The following CYTH1 variants were observed in gnomAD, a reference collection of about 807,000 sequenced individuals.
CYTH1 encodes cytohesin 1, also known as cytohesin-1.
CYTH1 carries 18 observed loss-of-function variants against 61.8 expected under a neutral mutation model. The ratio of observed to expected loss-of-function variants is 0.29; its 90% confidence interval spans 0.20 to 0.43. The LOEUF (loss-of-function observed/expected upper bound fraction) is 0.43. CYTH1 is among the 20% of genes least tolerant of loss of function. The probability of loss-of-function intolerance (pLI) is 1.00; values close to 1 mark genes in which losing one functional copy is unlikely to be tolerated. For synonymous variants in CYTH1, 174 were observed against 184.3 expected, an observed-to-expected ratio of 0.94 and a Z score of 0.45; for missense variants, 336 against 510.5, an observed-to-expected ratio of 0.66 and a Z score of 3.29.
intron 1 of CYTH1, among the ~76,000 whole-genome samples, chr17:78,743,001 G>A (rs2093347089): frequency 1.3e-5 from 2 of 152,228 alleles, no homozygotes; most frequent in African/African-American, 4.8e-5. Flanking sequence ...GTGTGGTGGT[G>A]TCAGAGCTTC....
In CYTH1 at chr17:78,756,137, G is replaced by A. The variant is rs961099180; in HGVS notation, c.22+26065C>T. Among the ~76,000 whole-genome samples, 12 of 148,848 alleles carry A rather than the reference G, an allele frequency of 8.1e-5. No homozygotes were observed. In the East Asian group the frequency reaches 2.0e-3, roughly 24 times the overall value. ...GTCACCTAGGCTGGAGTGCAGCAGC[G>A]TGATCTCAGCTCACTGCAACCGTCA... On this transcript the variant is annotated intron_variant, in intron 1 of 13. Transcript: ENST00000446868.
chr17:78,713,830 T>C (rs1343147345), intron 1 of CYTH1, among the ~76,000 whole-genome samples: 1 of 151,668 alleles, frequency 6.6e-6, no homozygotes, highest in Non-Finnish European at 1.5e-5. Flanking sequence ...CATTCTAAAC[T>C]GGAAACTCTA....
intron 1 of CYTH1, among the ~76,000 whole-genome samples, chr17:78,772,532 TGTTTC>T (rs1189160951): frequency 6.6e-6 from 1 of 152,168 alleles, no homozygotes. Context: ...TGTTTTGTTT[TGTTTC>T]GTTTTTGTTT....
At chr17:78,737,198 C>G (rs1279673841) in intron 1 of CYTH1, among the ~76,000 whole-genome samples, 3 of 152,180 alleles carry the variant, frequency 2.0e-5, no homozygotes, top group Admixed American at 6.5e-5. Context: ...CCAAAACCCA[C>G]GGATGCTTGA....
chr17:78,773,358 G>A (rs1470856760), intron 1 of CYTH1, among the ~76,000 whole-genome samples: 6 of 151,972 alleles, frequency 3.9e-5, no homozygotes, highest in African/African-American at 7.2e-5. Context: ...GGCCAGGAGC[G>A]GTGGCTCACG....
intron 3 of CYTH1, among the ~76,000 whole-genome samples, chr17:78,705,372 G>T (rs1333865122): frequency 6.6e-6 from 1 of 152,140 alleles, no homozygotes; most frequent in Non-Finnish European, 1.5e-5. Flanking sequence ...GCCTTAGGCA[G>T]CTACTTCTCT....
intron 1 of CYTH1, among the ~76,000 whole-genome samples, chr17:78,739,423 T>C (rs2093333457): frequency 6.6e-6 from 1 of 152,136 alleles, no homozygotes; most frequent in South Asian, 2.1e-4. Flanking sequence ...AGAAAATAAG[T>C]ACTGTGGAGT....
chr17:78,768,643 TCTC>T (rs2093458335), intron 1 of CYTH1, among the ~76,000 whole-genome samples: 1 of 152,000 alleles, frequency 6.6e-6, no homozygotes, highest in African/African-American at 2.4e-5. Flanking sequence ...GTATTTTTTC[TCTC>T]CTACCTCCTA....
intron 1 of CYTH1, among the ~76,000 whole-genome samples, chr17:78,745,980 C>A (rs1051506191): frequency 3.3e-5 from 5 of 152,108 alleles, no homozygotes; most frequent in Admixed American, 2.0e-4. Context: ...TGTGCCAGTT[C>A]CTATGTGTAT....
intron 3 of CYTH1, among the ~76,000 whole-genome samples, chr17:78,704,167 C>A (rs908009093): frequency 2.6e-5 from 4 of 152,194 alleles, no homozygotes; most frequent in African/African-American, 9.7e-5. Context: ...CTCAACAAAA[C>A]AGATTCTGAC....
At chr17:78,693,655 T>C (rs546119102) in intron 10 of CYTH1, among the ~76,000 whole-genome samples, 10 of 147,316 alleles carry the variant, frequency 6.8e-5, no homozygotes, top group African/African-American at 2.3e-4. Context: ...AAAAAAAAAG[T>C]TGGGGTTGGG....
intron 13 of CYTH1, among the ~76,000 whole-genome samples, chr17:78,679,734 C>T (rs1020368353): frequency 1.3e-5 from 2 of 152,196 alleles, no homozygotes; most frequent in African/African-American, 2.4e-5. Flanking sequence ...CCTTGGATCA[C>T]GGTATGTGAC....
chr17:78,711,735 C>A (rs1049993342), intron 1 of CYTH1, among the ~76,000 whole-genome samples: 3 of 151,306 alleles, frequency 2.0e-5, no homozygotes, highest in African/African-American at 7.3e-5. Flanking sequence ...CTAGGTTTTC[C>A]CCAACCTTCT....
At chr17:78,770,936 T>C (rs542900189) in intron 1 of CYTH1, among the ~76,000 whole-genome samples, 1 of 152,030 alleles carries the variant, frequency 6.6e-6, no homozygotes, top group African/African-American at 2.4e-5. Context: ...AAGACCAGCA[T>C]GGCCAACATG....
intron 1 of CYTH1, among the ~76,000 whole-genome samples, chr17:78,719,923 T>C (rs1026416039): frequency 1.3e-5 from 2 of 152,164 alleles, no homozygotes; most frequent in African/African-American, 4.8e-5. Context: ...TCAAACTTAG[T>C]ACCTTAAAAA....
At chr17:78,719,153 G>T (rs188447428) in intron 1 of CYTH1, among the ~76,000 whole-genome samples, 3 of 152,324 alleles carry the variant, frequency 2.0e-5, no homozygotes, top group Admixed American at 2.0e-4. Flanking sequence ...CCACTCTACA[G>T]GGAGTGGTCT....
intron 1 of CYTH1, among the ~76,000 whole-genome samples, chr17:78,760,276 A>G (rs1598915837): frequency 6.7e-6 from 1 of 149,564 alleles, no homozygotes; most frequent in Non-Finnish European, 1.5e-5. Flanking sequence ...AGACATATAA[A>G]GCTAAAAACT....
intron 1 of CYTH1, among the ~76,000 whole-genome samples, chr17:78,767,608 T>G (rs770158792): frequency 2.6e-5 from 4 of 152,178 alleles, no homozygotes; most frequent in African/African-American, 4.8e-5. Flanking sequence ...GATGGTTGAA[T>G]AGATGAACAA....
chr17:78,744,216 T>C (rs1186030345), intron 1 of CYTH1, among the ~76,000 whole-genome samples: 1 of 152,238 alleles, frequency 6.6e-6, no homozygotes, highest in Non-Finnish European at 1.5e-5. Flanking sequence ...AGAAACTGCC[T>C]TGCTGCAGGA....
Sources: gnomAD v4.1 joint callset for allele counts (sites outside exome capture counted in the v4.1 genomes callset) on GRCh38, gnomAD v4.1.1 for gene constraint, MANE v1.5 for transcripts, NCBI Gene and HGNC (gene_info 2026-07-23, HGNC 2026-07-21) for gene names.